FREM1: variants seen among roughly 807,000 people sequenced by gnomAD.
The protein encoded by FREM1 is FRAS1 related extracellular matrix 1.
A neutral mutation model predicts 210.1 loss-of-function variants in FREM1; 220 were observed. The observed-to-expected ratio is 1.05, with a 90% confidence interval of 0.94 to 1.17. FREM1 has a LOEUF of 1.17. FREM1 is among the 50% of genes most tolerant of loss of function. The pLI is 0.00. For missense variants in FREM1, 3,454 were observed against 2,675.5 expected (o/e 1.29, Z -6.42); for synonymous variants, 1,189 against 980.2 (o/e 1.21, Z -3.98).
chr9:14,873,598 T>C (rs1588516137), intron 1 of FREM1, among the ~76,000 whole-genome samples: 1 of 152,228 alleles, frequency 6.6e-6, no homozygotes, highest in East Asian at 1.9e-4. Context: ...TCAATTTTGT[T>C]GATCCTTTCA....
intron 10 of FREM1, among the ~76,000 whole-genome samples, chr9:14,837,635 A>G (rs1029995449): frequency 2.6e-5 from 4 of 152,258 alleles, no homozygotes; most frequent in African/African-American, 4.8e-5. Context: ...CAGTTTTCCA[A>G]TTAAGTGGAG....
chr9:14,840,324 T>C (rs917955778), intron 10 of FREM1, among the ~76,000 whole-genome samples: 1 of 152,190 alleles, frequency 6.6e-6, no homozygotes, highest in African/African-American at 2.4e-5. Context: ...CATAGTAGGT[T>C]TATTAGCCTG....
intron 2 of FREM1, among the ~76,000 whole-genome samples, chr9:14,867,256 G>A (rs1343197176): frequency 6.6e-6 from 1 of 152,122 alleles, no homozygotes; most frequent in Non-Finnish European, 1.5e-5. Flanking sequence ...AGCACATTGG[G>A]GTTCTAGTAT....
Position 14,863,847 on chromosome 9 carries a change from T to G in FREM1, c.291A>C (p.Pro97=), listed in dbSNP as rs1474396033. The change falls in exon 3 of 37, where the codon CCA becomes CCC. Residue 97 remains proline (P), a synonymous_variant. Transcript: ENST00000380880. ...GCTTCACTGTGTCTTCATCAAGAAT[T>G]GGACAACCATTGTGAACATACTTGA... ...NEVKYVHNGC[P]ILDEDTVKLR... is the part of the protein sequence containing the mutation. 6.2e-7 allele frequency: 1 copy of G among 1,613,314 alleles called. No individual in the cohort carries two copies. The highest frequency in any genetic ancestry group is 8.5e-7 in the Non-Finnish European group (1 of 1,179,450).
chr9:14,792,720 A>T (rs1195653054), intron 22 of FREM1, 23 bp downstream of exon 22: 2 of 1,558,774 alleles, frequency 1.3e-6, no homozygotes, highest in Admixed American at 2.0e-5. Flanking sequence ...AGTTTTGAAA[A>T]ATAAAAGTAA....
intron 23 of FREM1, among the ~76,000 whole-genome samples, chr9:14,787,558 A>G (rs1243906247): frequency 6.6e-6 from 1 of 152,114 alleles, no homozygotes; most frequent in Non-Finnish European, 1.5e-5. Flanking sequence ...TGTGTACAAG[A>G]GAGGTACACA....
chr9:14,779,959 A>T (rs1000775075), intron 24 of FREM1, among the ~76,000 whole-genome samples: 23 of 152,200 alleles, frequency 1.5e-4, no homozygotes, highest in Non-Finnish European at 2.6e-4. Context: ...GAGGGACAGA[A>T]TGAATGGTTA....
intron 10 of FREM1, among the ~76,000 whole-genome samples, chr9:14,827,592 G>C (rs1588210517): frequency 6.6e-6 from 1 of 152,158 alleles, no homozygotes; most frequent in African/African-American, 2.4e-5. Flanking sequence ...GCATCTTTAG[G>C]AGAGGCCACA....
At chr9:14,823,348 G>T in intron 12 of FREM1, 21 bp from the exon 13 acceptor site, 1 of 1,604,054 alleles carries the variant, frequency 6.2e-7, no homozygotes, top group South Asian at 1.1e-5. Flanking sequence ...AGTTGAGATG[G>T]ATATGTGGGT....
chr9:14,861,098 A>G (rs200860608), intron 3 of FREM1, among the ~76,000 whole-genome samples: 1 of 63,436 alleles, frequency 1.6e-5, no homozygotes, highest in African/African-American at 8.5e-5. Context: ...CATATATATA[A>G]ACATATATAC....
intron 19 of FREM1, 79 bp downstream of exon 19, chr9:14,804,877 G>A (rs1818066546): frequency 4.8e-6 from 5 of 1,051,326 alleles, no homozygotes; most frequent in Non-Finnish European, 7.3e-6. Context: ...TAATGCACTT[G>A]GAGCAATGTA....
Position 14,801,878 on chromosome 9 carries a change from A to G in FREM1, c.3472-4T>C, listed in dbSNP as rs543598335. ...CTTTCATCTGACCCTCACACACCTG[A>G]GCAAGAACACATGAGAAAAGTCAAC... On this transcript the variant is annotated splice_polypyrimidine_tract_variant and splice_region_variant and intron_variant, in intron 19 of 36. Coordinates refer to ENST00000380880, the MANE Select transcript of FREM1 (RefSeq NM_001379081.2). 6.3e-6 allele frequency: 10 copies of G among 1,595,682 alleles called. No homozygotes were observed. In the Admixed American group the frequency reaches 6.9e-5, roughly 11 times the overall value.
intron 5 of FREM1, among the ~76,000 whole-genome samples, chr9:14,853,977 T>A (rs1405992309): frequency 6.6e-6 from 1 of 152,198 alleles, no homozygotes; most frequent in Non-Finnish European, 1.5e-5. Flanking sequence ...GCTTACTGCT[T>A]GTAATAAAGT....
At chr9:14,852,753 A>T (rs563704385) in intron 5 of FREM1, among the ~76,000 whole-genome samples, 1 of 152,340 alleles carries the variant, frequency 6.6e-6, no homozygotes, top group African/African-American at 2.4e-5. Context: ...GATCTAGCCC[A>T]TTGCTGAGAG....
chr9:14,756,008 C>T (rs1358122271), intron 29 of FREM1, among the ~76,000 whole-genome samples: 1 of 152,184 alleles, frequency 6.6e-6, no homozygotes, highest in Admixed American at 6.5e-5. Context: ...ATAAACATAA[C>T]ATTCTGAAAA....
intron 1 of FREM1, among the ~76,000 whole-genome samples, chr9:14,903,994 C>A (rs1056402540): frequency 6.6e-6 from 1 of 151,212 alleles, no homozygotes; most frequent in Non-Finnish European, 1.5e-5. Flanking sequence ...TGGTGGCAGG[C>A]GCCTGTAGTC....
At chr9:14,799,044 G>A (rs780635397) in intron 20 of FREM1, among the ~76,000 whole-genome samples, 4 of 151,820 alleles carry the variant, frequency 2.6e-5, no homozygotes, top group Non-Finnish European at 4.4e-5. Flanking sequence ...TTTGGAAGGC[G>A]AGTGCAGGAA....
intron 13 of FREM1, 143 bp downstream of exon 13, chr9:14,823,017 C>A (rs1223988265): frequency 1.9e-6 from 1 of 522,342 alleles, no homozygotes; most frequent in African/African-American, 2.0e-5. Flanking sequence ...CTTTTTTCTT[C>A]TTTTTTTTAC....
At chr9:14,785,217 CTG>C (rs1285745281) in intron 23 of FREM1, among the ~76,000 whole-genome samples, 1 of 152,192 alleles carries the variant, frequency 6.6e-6, no homozygotes, top group Non-Finnish European at 1.5e-5. Context: ...TATACACAAA[CTG>C]TGTTCTGTTC....
Sources: gnomAD v4.1 joint callset for allele counts (sites outside exome capture counted in the v4.1 genomes callset) on GRCh38, gnomAD v4.1.1 for gene constraint, MANE v1.5 for transcripts, NCBI Gene and HGNC (gene_info 2026-07-23, HGNC 2026-07-21) for gene names.